Variants in GPHN observed in about 807,000 individuals in gnomAD.
GPHN encodes the protein gephyrin.
Under a neutral mutation model 95.5 loss-of-function variants are expected in GPHN, and 17 were observed. The ratio of observed to expected loss-of-function variants is 0.18; its 90% CI spans 0.12 to 0.27. The LOEUF (loss-of-function observed/expected upper bound fraction) is 0.27. Ranked by LOEUF, GPHN falls within the 10% of genes least tolerant of loss-of-function variation. The probability of loss-of-function intolerance (pLI) is 1.00; values close to 1 mark genes in which losing one functional copy is unlikely to be tolerated. For missense variants in GPHN, 660 were observed against 978.1 expected (o/e 0.67, Z 4.34); for synonymous variants, 320 against 322.5 (o/e 0.99, Z 0.08).
intron 1 of GPHN, among the ~76,000 whole-genome samples, chr14:66,535,012 G>A (rs1246108675): frequency 6.6e-6 from 1 of 151,896 alleles, no homozygotes; most frequent in Non-Finnish European, 1.5e-5. Flanking sequence ...TGCTTTTTAT[G>A]GTTTAGTTGG....
At chr14:66,688,139 G>A (rs577232033) in intron 2 of GPHN, among the ~76,000 whole-genome samples, 152 of 152,178 alleles carry the variant, frequency 1.0e-3, no homozygotes, top group African/African-American at 3.5e-3. Context: ...AGAAAAGAAA[G>A]TATTATTAAG....
the GPHN span, chr14:67,380,549 ATTAACTATTATATGC>A: frequency 1.0e-5 from 5 of 484,500 alleles, no homozygotes; most frequent in African/African-American, 4.0e-5. Flanking sequence ...TATTATATGC[ATTAACTATTATATGC>A]TTAACTATTA....
At chr14:67,403,544 G>T in the GPHN span, among the ~76,000 whole-genome samples, 7 of 152,192 alleles carry the variant, frequency 4.6e-5, no homozygotes, top group African/African-American at 1.4e-4. Context: ...TGTCCTCCAA[G>T]AAACCCCTTC....
At chr14:66,700,752 G>A (rs753733287) in intron 2 of GPHN, among the ~76,000 whole-genome samples, 9 of 151,898 alleles carry the variant, frequency 5.9e-5, no homozygotes, top group Admixed American at 2.6e-4. Flanking sequence ...GTGAAACCCC[G>A]TCTCTACTAA....
chr14:67,693,176 G>T, the GPHN span: 1 of 587,604 alleles, frequency 1.7e-6, no homozygotes. Context: ...GTCCTTTTAA[G>T]GAAACAGTGT....
the GPHN span, chr14:67,312,492 CATTTATT>C: frequency 0.021 from 29,438 of 1,423,000 alleles, 375 homozygotes; most frequent in Middle Eastern, 0.083. Context: ...TTTATATTGC[CATTTATT>C]GTTGTTTTTG....
At chr14:67,281,734 T>A in the GPHN span, among the ~76,000 whole-genome samples, 1 of 152,128 alleles carries the variant, frequency 6.6e-6, no homozygotes, top group Non-Finnish European at 1.5e-5. Flanking sequence ...CGGATTCACT[T>A]AGTAAGAGAA....
chr14:66,543,485 C>A (rs971083056), intron 1 of GPHN, among the ~76,000 whole-genome samples: 4 of 152,102 alleles, frequency 2.6e-5, no homozygotes, highest in African/African-American at 9.7e-5. Flanking sequence ...TATGTGCTTA[C>A]AACTCCTAAA....
At chr14:67,674,599 A>C in the GPHN span, 2 of 828,156 alleles carry the variant, frequency 2.4e-6, no homozygotes, top group African/African-American at 1.8e-5. Context: ...CCGCCGCACC[A>C]CCGCCGCCCA....
the GPHN span, chr14:67,659,762 T>C: frequency 6.2e-7 from 1 of 1,613,662 alleles, no homozygotes; most frequent in Non-Finnish European, 8.5e-7. Context: ...ATATATGCCA[T>C]ATTTCATGTC....
At chr14:66,643,926 G>C (rs1030592849) in intron 1 of GPHN, among the ~76,000 whole-genome samples, 1 of 151,804 alleles carries the variant, frequency 6.6e-6, no homozygotes, top group Non-Finnish European at 1.5e-5. Context: ...GTTTATTTGA[G>C]TCTTGTACCT....
At chr14:66,866,494 T>A (rs2063226891) in intron 4 of GPHN, among the ~76,000 whole-genome samples, 1 of 152,124 alleles carries the variant, frequency 6.6e-6, no homozygotes, top group Admixed American at 6.5e-5. Flanking sequence ...GTGCCCAAGT[T>A]TTATGGTTAG....
At chr14:66,635,724 A>G (rs542348084) in intron 1 of GPHN, among the ~76,000 whole-genome samples, 36 of 152,204 alleles carry the variant, frequency 2.4e-4, no homozygotes, top group Non-Finnish European at 4.0e-4. Context: ...AATGAGGTGT[A>G]CTGGAATTCC....
chr14:67,635,492 T>C, the GPHN span, among the ~76,000 whole-genome samples: 1 of 152,248 alleles, frequency 6.6e-6, no homozygotes, highest in African/African-American at 2.4e-5. Context: ...ATTGCAACTT[T>C]ATTTTTAATA....
chr14:66,775,955 G>A (rs910679859), intron 2 of GPHN, among the ~76,000 whole-genome samples: 9 of 152,036 alleles, frequency 5.9e-5, no homozygotes, highest in Non-Finnish European at 8.8e-5. Context: ...ATCAATGTTC[G>A]TTCACCAGTT....
At chr14:67,610,108 C>A in the GPHN span, among the ~76,000 whole-genome samples, 1 of 151,206 alleles carries the variant, frequency 6.6e-6, no homozygotes, top group Non-Finnish European at 1.5e-5. Context: ...GGGTTGCCAG[C>A]GGCGGGGCAG....
the GPHN span, chr14:67,727,626 G>A: frequency 4.5e-6 from 1 of 222,932 alleles, no homozygotes; most frequent in South Asian, 6.0e-5. Flanking sequence ...GGGATTACAA[G>A]CACGCAATAT....
chr14:67,461,098 G>A, the GPHN span, among the ~76,000 whole-genome samples: 105 of 152,266 alleles, frequency 6.9e-4, no homozygotes, highest in Non-Finnish European at 1.2e-3. Context: ...TTATGACCTC[G>A]CCAGCAGGAT....
chr14:67,137,553 C>T (rs1567388154), intron 17 of GPHN, among the ~76,000 whole-genome samples: 1 of 152,106 alleles, frequency 6.6e-6, no homozygotes, highest in Non-Finnish European at 1.5e-5. Context: ...CTCTTGAGCC[C>T]AGGAGTTCAA....
Sources: gnomAD v4.1 joint callset for allele counts (sites outside exome capture counted in the v4.1 genomes callset) on GRCh38, gnomAD v4.1.1 for gene constraint, MANE v1.5 for transcripts, NCBI Gene and HGNC (gene_info 2026-07-23, HGNC 2026-07-21) for gene names.